The following PTPRJ variants were observed in gnomAD, a reference collection of about 807,000 sequenced individuals.
PTPRJ encodes receptor-type tyrosine-protein phosphatase eta.
In PTPRJ, 129 loss-of-function variants were observed where a neutral mutation model predicts 141.3. That is an observed-to-expected ratio of 0.91 (90% confidence interval 0.79 to 1.06). The LOEUF is 1.06. Among genes scored for constraint, PTPRJ ranks in the 50% least tolerant of loss-of-function variants. The pLI is 0.00. For synonymous variants in PTPRJ, 610 were observed against 640.5 expected (o/e 0.95, Z 0.72); for missense variants, 1,601 against 1,679.7 (o/e 0.95, Z 0.82).
At chr11:48,003,220 G>A (rs377348217) in intron 1 of PTPRJ, among the ~76,000 whole-genome samples, 1 of 152,032 alleles carries the variant, frequency 6.6e-6, no homozygotes, top group Non-Finnish European at 1.5e-5. Context: ...AGCCTTTTTC[G>A]TATTTAGAGA....
intron 1 of PTPRJ, among the ~76,000 whole-genome samples, chr11:48,074,763 C>T (rs1262291363): frequency 1.3e-5 from 2 of 152,098 alleles, no homozygotes; most frequent in Non-Finnish European, 2.9e-5. Context: ...TGAACGTTGT[C>T]TAAAGTGCAG....
At chr11:48,148,605 T>A (rs766214625) in intron 15 of PTPRJ, among the ~76,000 whole-genome samples, 22 of 151,988 alleles carry the variant, frequency 1.4e-4, no homozygotes, top group Non-Finnish European at 3.1e-4. Flanking sequence ...GCCTGGCTAT[T>A]TTTTTTGTAT....
chr11:48,016,868 A>T (rs1352361020), intron 1 of PTPRJ, among the ~76,000 whole-genome samples: 1 of 152,156 alleles, frequency 6.6e-6, no homozygotes, highest in Non-Finnish European at 1.5e-5. Context: ...ATCTTAATGA[A>T]TGCAGAAAAC....
chr11:48,060,402 A>T (rs1162772276), intron 1 of PTPRJ, among the ~76,000 whole-genome samples: 2 of 152,024 alleles, frequency 1.3e-5, no homozygotes, highest in Non-Finnish European at 2.9e-5. Context: ...TCTATAACTT[A>T]TAGAAACAGA....
At chr11:48,138,072 C>T (rs1182492451) in intron 10 of PTPRJ, among the ~76,000 whole-genome samples, 1 of 152,166 alleles carries the variant, frequency 6.6e-6, no homozygotes, top group East Asian at 1.9e-4. Flanking sequence ...CTGCCCTTCT[C>T]GCTCCTACCT....
chr11:48,071,261 T>A (rs1855240957), intron 1 of PTPRJ, among the ~76,000 whole-genome samples: 2 of 152,148 alleles, frequency 1.3e-5, no homozygotes, highest in South Asian at 2.1e-4. Context: ...GTGAAAAACA[T>A]TAGTAGAGGT....
intron 1 of PTPRJ, among the ~76,000 whole-genome samples, chr11:48,067,251 C>G (rs1370635991): frequency 1.3e-5 from 2 of 152,184 alleles, no homozygotes; most frequent in Non-Finnish European, 2.9e-5. Flanking sequence ...TACAGAGCCT[C>G]CGGCCTGGAA....
chr11:48,156,753 T>C (rs1857618404), intron 21 of PTPRJ, among the ~76,000 whole-genome samples: 1 of 151,714 alleles, frequency 6.6e-6, no homozygotes, highest in African/African-American at 2.4e-5. Flanking sequence ...GCCTGGATAA[T>C]TTTTTTTATT....
At chr11:48,051,297 G>A (rs1244586327) in intron 1 of PTPRJ, among the ~76,000 whole-genome samples, 1 of 152,046 alleles carries the variant, frequency 6.6e-6, no homozygotes. Flanking sequence ...GTTTTGCCAT[G>A]CTGCTCAGGC....
At chr11:48,092,697 T>A (rs918634546) in intron 1 of PTPRJ, among the ~76,000 whole-genome samples, 2 of 152,210 alleles carry the variant, frequency 1.3e-5, no homozygotes, top group Non-Finnish European at 2.9e-5. Context: ...CCCAAAGTGC[T>A]GGGATTACAG....
intron 24 of PTPRJ, 43 bp downstream of exon 24, chr11:48,164,558 A>ATTTTTTTTTTTTTTTTTTTTTTTTTTT (rs60806872): frequency 5.6e-6 from 4 of 715,256 alleles, no homozygotes; most frequent in Admixed American, 7.2e-5. Flanking sequence ...CTTCCCCTCC[A>ATTTTTTTTTTTTTTTTTTTTTTTTTTT]TTTTTTTTTT....
chr11:48,135,476 C>CTTTTT (rs34709299), intron 8 of PTPRJ, among the ~76,000 whole-genome samples: 6 of 58,226 alleles, frequency 1.0e-4, no homozygotes, highest in African/African-American at 2.8e-4. Context: ...CGCGCCTGGC[C>CTTTTT]TTTTTTTTTT....
At chr11:48,065,054 G>A (rs1015060665) in intron 1 of PTPRJ, among the ~76,000 whole-genome samples, 6 of 109,268 alleles carry the variant, frequency 5.5e-5, no homozygotes, top group Non-Finnish European at 8.5e-5. Context: ...CACTCTTGTT[G>A]CCCAGGCTGG....
In PTPRJ at chr11:48,125,147, G is replaced by A. The variant is rs1223243229; in HGVS notation, c.1054G>A (p.Gly352Ser). 3 of 1,614,114 alleles carry A rather than the reference G, an allele frequency of 1.9e-6. No homozygotes were observed. The highest frequency in any genetic ancestry group is 2.2e-5 in the East Asian group (1 of 44,868). Reference protein sequence around the residue: ...NATVYSQAANGTEGQPQAIEF... With the variant: ...NATVYSQAANSTEGQPQAIEF... ...CACCGTTTATTCCCAAGCAGCGAAT[G>A]GCACAGAAGGACAGCCCCAGGCCAT... Residue 352 changes from glycine to serine, a missense_variant, in exon 6 of 25, where the codon GGC (glycine) becomes AGC (serine). By Grantham distance (56) the Gly-to-Ser change is moderately conservative (BLOSUM62 0). Coordinates refer to ENST00000418331, the MANE Select transcript of PTPRJ (RefSeq NM_002843.4).
chr11:48,099,479 C>T (rs918838727), intron 1 of PTPRJ, among the ~76,000 whole-genome samples: 20 of 152,282 alleles, frequency 1.3e-4, no homozygotes, highest in Non-Finnish European at 2.4e-4. Context: ...CCTGCCAGGC[C>T]TAAAATGTTT....
Position 48,163,457 on chromosome 11 carries a change from G to C in PTPRJ, c.3559-1G>C, listed in dbSNP as rs773201637. 1 of 1,613,752 alleles carries C rather than the reference G, an allele frequency of 6.2e-7. No homozygotes were observed. Among genetic ancestry groups the C allele is most frequent in the Non-Finnish European group, 8.5e-7 (1 of 1,179,826 alleles). ...ATCTAAATCATTTTCTGGGCTTTTA[G>C]ATCCAGACAAGTGAGAGTCACCCTC... On this transcript the variant is annotated splice_acceptor_variant, in intron 22 of 24. Transcript: ENST00000418331. LOFTEE classifies it high-confidence loss of function.
intron 1 of PTPRJ, among the ~76,000 whole-genome samples, chr11:48,002,953 GA>G (rs5791797): frequency 0.22 from 32,533 of 146,946 alleles, 3,660 homozygotes; most frequent in African/African-American, 0.28. Flanking sequence ...CTAGAGAAAG[GA>G]AAAAAAAAAG....
intron 1 of PTPRJ, among the ~76,000 whole-genome samples, chr11:48,021,237 G>A (rs1855110799): frequency 6.6e-6 from 1 of 152,078 alleles, no homozygotes; most frequent in Admixed American, 6.5e-5. Flanking sequence ...AGCCGGGCGT[G>A]TTGGCATGTG....
At chr11:47,990,410 A>G (rs1457675523) in intron 1 of PTPRJ, among the ~76,000 whole-genome samples, 1 of 152,188 alleles carries the variant, frequency 6.6e-6, no homozygotes, top group Non-Finnish European at 1.5e-5. Flanking sequence ...TGTCAAAATT[A>G]TGTCATGAAA....
Sources: gnomAD v4.1 joint callset for allele counts (sites outside exome capture counted in the v4.1 genomes callset) on GRCh38, gnomAD v4.1.1 for gene constraint, MANE v1.5 for transcripts, NCBI Gene and HGNC (gene_info 2026-07-23, HGNC 2026-07-21) for gene names.